Variants in CNTN5 observed in about 807,000 individuals in gnomAD.
CNTN5 encodes contactin-5.
Under a neutral mutation model 129.1 loss-of-function variants are expected in CNTN5, and 77 were observed. The observed-to-expected ratio is 0.60, with a 90% CI of 0.50 to 0.72. The LOEUF is 0.72. Ranked by LOEUF, CNTN5 falls within the 30% of genes least tolerant of loss-of-function variation. CNTN5 has a pLI of 0.00. For synonymous variants in CNTN5, 509 were observed against 465.6 expected, an observed-to-expected ratio of 1.09 and a Z score of -1.20; for missense variants, 1,478 against 1,328.8, an observed-to-expected ratio of 1.11 and a Z score of -1.75.
chr11:99,509,936 C>A (rs1330360576), intron 2 of CNTN5, among the ~76,000 whole-genome samples: 2 of 151,850 alleles, frequency 1.3e-5, no homozygotes, highest in Non-Finnish European at 2.9e-5. Context: ...CAAGTTCTGA[C>A]TCCATCTATT....
chr11:100,326,790 G>T (rs572728388), intron 21 of CNTN5, among the ~76,000 whole-genome samples: 4 of 152,214 alleles, frequency 2.6e-5, no homozygotes, highest in African/African-American at 7.2e-5. Context: ...TTTCTTTAAA[G>T]AAGTGGCCAA....
At chr11:100,034,075 C>T (rs1941859327) in intron 9 of CNTN5, among the ~76,000 whole-genome samples, 2 of 152,144 alleles carry the variant, frequency 1.3e-5, no homozygotes, top group African/African-American at 4.8e-5. Flanking sequence ...CAAGTAATTC[C>T]AGCCACTCCT....
At chr11:99,036,279 A>G (rs1279648725) in intron 1 of CNTN5, among the ~76,000 whole-genome samples, 1 of 152,114 alleles carries the variant, frequency 6.6e-6, no homozygotes, top group Non-Finnish European at 1.5e-5. Flanking sequence ...GACATTATAT[A>G]TGGTCCAATA....
intron 1 of CNTN5, among the ~76,000 whole-genome samples, chr11:99,253,584 C>T (rs1320526113): frequency 4.6e-5 from 7 of 151,800 alleles, no homozygotes; most frequent in Admixed American, 2.0e-4. Context: ...ATTTTACTAA[C>T]TACATTGGTC....
rs866305366 is a variant in CNTN5, at chr11:99,761,521, T to G, written c.56-58023T>G. 4.3e-3 allele frequency among the ~76,000 whole-genome samples: 654 copies of G among 150,824 alleles called. 3 individuals carry two copies. The highest frequency in any genetic ancestry group is 0.014 in the African/African-American group (564 of 41,288). On this transcript the variant is annotated intron_variant, in intron 3 of 24. Transcript: ENST00000524871. Reference sequence around the variant, plus strand: ...ATGAGTGAGAATATGCGGTGTTTGGTTTTTTGTTCTTGCGATAGTTTACTG... The same window carrying G: ...ATGAGTGAGAATATGCGGTGTTTGGGTTTTTGTTCTTGCGATAGTTTACTG...
At chr11:99,145,709 G>C (rs1859751189) in intron 1 of CNTN5, among the ~76,000 whole-genome samples, 1 of 151,996 alleles carries the variant, frequency 6.6e-6, no homozygotes, top group African/African-American at 2.4e-5. Flanking sequence ...CAAACGGCAA[G>C]TATTACTTAC....
intron 6 of CNTN5, among the ~76,000 whole-genome samples, chr11:99,856,606 A>C (rs1176510318): frequency 1.6e-5 from 1 of 63,008 alleles, no homozygotes; most frequent in Non-Finnish European, 3.0e-5. Flanking sequence ...TTATTCTTGA[A>C]TCTGTTGGAA....
At chr11:99,025,229 T>C (rs1863060316) in intron 1 of CNTN5, among the ~76,000 whole-genome samples, 1 of 152,020 alleles carries the variant, frequency 6.6e-6, no homozygotes, top group African/African-American at 2.4e-5. Flanking sequence ...GAGTTTTCTA[T>C]GAAAAATATT....
rs971063172 is a variant in CNTN5, at chr11:100,165,112, G to C, written c.1581-26014G>C. The stretch of plus-strand genomic sequence containing the variant: ...GAAGAGGAGATGAGGGTCAGGACTA[G>C]ATGGGTGGCAGCAAAAATAAAAAAT... On this transcript the variant is annotated intron_variant, in intron 13 of 24. Coordinates refer to ENST00000524871, the MANE Select transcript of CNTN5 (RefSeq NM_014361.4). Among the ~76,000 whole-genome samples the C allele has an allele frequency of 4.0e-5, 6 of 151,850 alleles. No individual in the cohort carries two copies. The East Asian group carries it at 1.2e-3, about 30-fold the overall frequency.
chr11:99,592,477 A>C (rs1191483191), intron 3 of CNTN5, among the ~76,000 whole-genome samples: 1 of 151,910 alleles, frequency 6.6e-6, no homozygotes, highest in Non-Finnish European at 1.5e-5. Flanking sequence ...AATGATGACA[A>C]ATATGATGGA....
chr11:99,677,518 G>A lies in CNTN5; in HGVS notation c.55+121249G>A, dbSNP rs7951038. ...GACCTTGATATTTTGGGGCACATAT[G>A]GCAACATGCAGTCTCATGCTGATCT... On this transcript the variant is annotated intron_variant, in intron 3 of 24. Coordinates refer to ENST00000524871, the MANE Select transcript of CNTN5 (RefSeq NM_014361.4). 5.4e-3 allele frequency among the ~76,000 whole-genome samples: 821 copies of A among 152,176 alleles called. 8 individuals are homozygous for A. The highest frequency in any genetic ancestry group is 0.019 in the African/African-American group (779 of 41,538).
chr11:99,315,129 T>A (rs369910103), intron 1 of CNTN5, among the ~76,000 whole-genome samples: 3 of 149,388 alleles, frequency 2.0e-5, no homozygotes, highest in African/African-American at 7.3e-5. Flanking sequence ...GAATACCCTC[T>A]AGTAGTCATG....
At chr11:99,589,256 A>G (rs968651010) in intron 3 of CNTN5, among the ~76,000 whole-genome samples, 1 of 152,248 alleles carries the variant, frequency 6.6e-6, no homozygotes, top group African/African-American at 2.4e-5. Flanking sequence ...AAATGTAGTC[A>G]TGATTTTACA....
chr11:99,724,544 G>A (rs1397010502), intron 3 of CNTN5, among the ~76,000 whole-genome samples: 2 of 152,166 alleles, frequency 1.3e-5, no homozygotes, highest in Non-Finnish European at 2.9e-5. Flanking sequence ...ATCCTGTGAG[G>A]ACAGGTACTA....
chr11:99,368,129 T>A (rs565050524), intron 2 of CNTN5, among the ~76,000 whole-genome samples: 1 of 152,292 alleles, frequency 6.6e-6, no homozygotes, highest in South Asian at 2.1e-4. Context: ...ATAATATTGT[T>A]GCCCAAATCA....
chr11:100,078,778 A>G (rs1160430639), intron 13 of CNTN5, among the ~76,000 whole-genome samples: 1 of 152,164 alleles, frequency 6.6e-6, no homozygotes, highest in Non-Finnish European at 1.5e-5. Context: ...GTTATGTATA[A>G]TGATAATGAT....
At chr11:99,402,579 A>G (rs1023370243) in intron 2 of CNTN5, among the ~76,000 whole-genome samples, 1 of 152,184 alleles carries the variant, frequency 6.6e-6, no homozygotes, top group Non-Finnish European at 1.5e-5. Flanking sequence ...TCAGGATAAT[A>G]CTGACATCGT....
At chr11:99,438,370 AT>A (rs768103751) in intron 2 of CNTN5, among the ~76,000 whole-genome samples, 17 of 152,202 alleles carry the variant, frequency 1.1e-4, no homozygotes, top group Non-Finnish European at 1.8e-4. Flanking sequence ...TGATGACTAT[AT>A]GTCACATATT....
At chr11:99,112,989 C>T (rs896510804) in intron 1 of CNTN5, among the ~76,000 whole-genome samples, 1 of 151,822 alleles carries the variant, frequency 6.6e-6, no homozygotes, top group Admixed American at 6.6e-5. Context: ...TTTGTAAATG[C>T]CAAAGTTCAT....
Sources: gnomAD v4.1 joint callset for allele counts (sites outside exome capture counted in the v4.1 genomes callset) on GRCh38, gnomAD v4.1.1 for gene constraint, MANE v1.5 for transcripts, NCBI Gene and HGNC (gene_info 2026-07-23, HGNC 2026-07-21) for gene names.